EPB41L4B: variants seen among roughly 807,000 people sequenced by gnomAD.
EPB41L4B encodes erythrocyte membrane protein band 4.1 like 4B.
Under a neutral mutation model 112.5 loss-of-function variants are expected in EPB41L4B, and 30 were observed. The observed-to-expected ratio is 0.27, with a 90% CI of 0.20 to 0.36. The LOEUF (loss-of-function observed/expected upper bound fraction) is 0.36. EPB41L4B is among the 10% of genes least tolerant of loss of function. The probability of loss-of-function intolerance (pLI) is 1.00; values close to 1 mark genes in which losing one functional copy is unlikely to be tolerated. For synonymous variants in EPB41L4B, 408 were observed against 439.7 expected (o/e 0.93, Z 0.90); for missense variants, 1,024 against 1,133.3 (o/e 0.90, Z 1.38).
chr9:109,176,772 C>T (rs1380126322), intron 24 of EPB41L4B, 76 bp from the exon 25 acceptor site: 47 of 1,526,400 alleles, frequency 3.1e-5, no homozygotes, highest in Middle Eastern at 1.7e-4. Flanking sequence ...CTCCCTAAGC[C>T]TTACTCTACA....
chr9:109,305,947 TA>T (rs1188205400), intron 1 of EPB41L4B, among the ~76,000 whole-genome samples: 1 of 151,426 alleles, frequency 6.6e-6, no homozygotes, highest in African/African-American at 2.4e-5. Flanking sequence ...TAAATTAAAT[TA>T]AAAAAATAAG....
chr9:109,209,750 G>A (rs1187154268), intron 17 of EPB41L4B, among the ~76,000 whole-genome samples: 2 of 151,980 alleles, frequency 1.3e-5, no homozygotes, highest in African/African-American at 2.4e-5. Context: ...CATTTCATAC[G>A]CATGTCTCAC....
intron 22 of EPB41L4B, among the ~76,000 whole-genome samples, chr9:109,191,966 C>T (rs950304398): frequency 6.6e-6 from 1 of 152,154 alleles, no homozygotes; most frequent in Non-Finnish European, 1.5e-5. Flanking sequence ...GCATGCAGGG[C>T]GCAGTCCAGG....
In EPB41L4B at chr9:109,194,210, C is replaced by T. The variant is rs1262787313; in HGVS notation, c.2223+10G>A. The T allele has an allele frequency of 1.2e-6, 2 of 1,605,914 alleles. No individual in the cohort carries two copies. The highest frequency in any genetic ancestry group is 1.7e-5 in the Admixed American group (1 of 59,332). The stretch of plus-strand genomic sequence containing the variant: ...GTGGCTGCTCGCCAGGGCTTTCCAC[C>T]CCCCAATACCTTGGCCCCAGGGGAC... On this transcript the variant is annotated intron_variant, in intron 21 of 25. Transcript: ENST00000374566.
intron 15 of EPB41L4B, among the ~76,000 whole-genome samples, chr9:109,236,983 C>T (rs569017745): frequency 2.2e-4 from 34 of 152,234 alleles, no homozygotes; most frequent in African/African-American, 7.9e-4. Context: ...AATACTGATC[C>T]GAAGGGATCA....
intron 12 of EPB41L4B, 79 bp from the exon 13 acceptor site, chr9:109,251,590 G>T: frequency 7.7e-7 from 1 of 1,290,368 alleles, no homozygotes. Context: ...TAATGGCCAT[G>T]CGAGACTTCT....
chr9:109,175,524 A>G (rs1255808178), intron 25 of EPB41L4B, among the ~76,000 whole-genome samples: 1 of 136,454 alleles, frequency 7.3e-6, no homozygotes, highest in Non-Finnish European at 1.6e-5. Context: ...GAGTAAATAC[A>G]CATCTTTTCA....
At position 109,307,129 on chromosome 9, in the gene EPB41L4B, G is replaced by A. The variant is rs58552835; in HGVS notation, c.306+13012C>T. 1,116 of 352,384 alleles carry A rather than the reference G, an allele frequency of 3.2e-3. 37 individuals are homozygous for A. The East Asian group carries it at 0.068, about 22-fold the overall frequency. The allele number at this position is 352,384 out of a possible 1,614,324, so 21.8% of individuals were successfully genotyped here. The stretch of plus-strand genomic sequence containing the variant: ...CTGGAAAACTTACCTATGTGGAAGA[G>A]CTCATTCCCTGAAGCGAGTTAATAA... On this transcript the variant is annotated intron_variant, in intron 1 of 25. Transcript: ENST00000374566.
At chr9:109,261,313 T>A (rs1347670646) in intron 6 of EPB41L4B, among the ~76,000 whole-genome samples, 1 of 149,922 alleles carries the variant, frequency 6.7e-6, no homozygotes, top group Non-Finnish European at 1.5e-5. Context: ...TTGGCGGGGG[T>A]GGGGTGAGGG....
chr9:109,215,525 C>A (rs1046693510), intron 16 of EPB41L4B, among the ~76,000 whole-genome samples: 3 of 152,100 alleles, frequency 2.0e-5, no homozygotes, highest in African/African-American at 7.2e-5. Context: ...GCGATCCACC[C>A]ATCTCGGCCT....
chr9:109,203,774 G>T, intron 18 of EPB41L4B, 44 bp from the exon 19 acceptor site: 1 of 1,515,480 alleles, frequency 6.6e-7, no homozygotes, highest in Non-Finnish European at 9.1e-7. Context: ...GAATATGTTG[G>T]CATGCAAAAA....
At chr9:109,246,545 G>A (rs1421369358) in intron 14 of EPB41L4B, among the ~76,000 whole-genome samples, 1 of 152,236 alleles carries the variant, frequency 6.6e-6, no homozygotes, top group Non-Finnish European at 1.5e-5. Flanking sequence ...AGAATGGTGG[G>A]AAGAAATTAT....
Position 109,172,956 on chromosome 9 carries a change from A to C in EPB41L4B, c.*1598T>G. 1 of 152,660 alleles carries C rather than the reference A, an allele frequency of 6.6e-6. No individual in the cohort carries two copies. The highest frequency in any genetic ancestry group is 1.9e-4 in the East Asian group (1 of 5,202). The allele number at this position is 152,660 out of a possible 1,614,324, so 9.5% of individuals were successfully genotyped here. A position where few individuals can be genotyped will look rare whatever the true frequency, so the allele number is the denominator to read the frequency against. On this transcript the variant is annotated 3_prime_UTR_variant, in exon 26 of 26. Transcript: ENST00000374566. Reference sequence around the variant, plus strand: ...ACATAAAAATACAGTTCTGATACAAATATATGAGATCAGTTCCTCTTAACA... The same window carrying C: ...ACATAAAAATACAGTTCTGATACAACTATATGAGATCAGTTCCTCTTAACA...
At chr9:109,192,529 C>T (rs1317731186) in intron 21 of EPB41L4B, among the ~76,000 whole-genome samples, 174 bp from the exon 22 acceptor site, 1 of 152,132 alleles carries the variant, frequency 6.6e-6, no homozygotes, top group Non-Finnish European at 1.5e-5. Context: ...GACTTGAACC[C>T]CAATTTTTTC....
intron 15 of EPB41L4B, among the ~76,000 whole-genome samples, chr9:109,220,482 G>A (rs936396348): frequency 4.6e-5 from 7 of 152,302 alleles, no homozygotes; most frequent in Non-Finnish European, 5.9e-5. Flanking sequence ...GGAGACTGCC[G>A]CAGGGCGGGA....
chr9:109,267,659 C>A, intron 3 of EPB41L4B, 108 bp from the exon 4 acceptor site: 1 of 736,936 alleles, frequency 1.4e-6, no homozygotes, highest in Non-Finnish European at 2.4e-6. Context: ...AGCACAACAT[C>A]AGGACAGCAT....
intron 18 of EPB41L4B, among the ~76,000 whole-genome samples, chr9:109,205,882 G>A (rs1194753211): frequency 6.6e-6 from 1 of 152,190 alleles, no homozygotes; most frequent in Non-Finnish European, 1.5e-5. Flanking sequence ...ATCAATCACA[G>A]ATCAAGGTTC....
chr9:109,180,348 G>A (rs542575545), intron 24 of EPB41L4B, among the ~76,000 whole-genome samples: 1 of 152,294 alleles, frequency 6.6e-6, no homozygotes, highest in South Asian at 2.1e-4. Context: ...GCCAAGGCTG[G>A]GCAGAAGGCC....
intron 14 of EPB41L4B, among the ~76,000 whole-genome samples, chr9:109,244,565 G>T (rs1834479666): frequency 1.3e-5 from 2 of 149,558 alleles, no homozygotes; most frequent in Admixed American, 1.4e-4. Flanking sequence ...CAGTCTCCTG[G>T]GTAGCTGGGA....
Sources: allele counts gnomAD v4.1 joint callset (sites outside exome capture counted in the v4.1 genomes callset), GRCh38; gene constraint gnomAD v4.1.1; transcripts MANE v1.5; gene names NCBI Gene and HGNC (gene_info 2026-07-23, HGNC 2026-07-21).